The following SCARA5 variants were observed in gnomAD, a reference collection of about 807,000 sequenced individuals.
SCARA5 encodes scavenger receptor class A, member 5 (putative).
SCARA5 carries 45 observed loss-of-function variants against 46.3 expected under a neutral mutation model. The observed-to-expected ratio is 0.97, with a 90% CI of 0.76 to 1.24. The LOEUF (loss-of-function observed/expected upper bound fraction) is 1.24. SCARA5 is among the 50% of genes most tolerant of loss of function. SCARA5 has a pLI of 0.00. For missense variants in SCARA5, 680 were observed against 689.0 expected (o/e 0.99, Z 0.15); for synonymous variants, 333 against 306.5 (o/e 1.09, Z -0.90).
intron 7 of SCARA5, among the ~76,000 whole-genome samples, chr8:27,887,447 A>C (rs1258248919): frequency 6.6e-6 from 1 of 152,184 alleles, no homozygotes; most frequent in Non-Finnish European, 1.5e-5. Flanking sequence ...TACTGGCTAC[A>C]AGGCTGGTCC....
intron 3 of SCARA5, among the ~76,000 whole-genome samples, chr8:27,940,447 G>A (rs1807924936): frequency 6.6e-6 from 1 of 152,128 alleles, no homozygotes; most frequent in Non-Finnish European, 1.5e-5. Flanking sequence ...ATTTTCATGT[G>A]AGGAAACAAA....
intron 4 of SCARA5, among the ~76,000 whole-genome samples, chr8:27,914,320 G>T (rs773100356): frequency 6.6e-6 from 1 of 152,172 alleles, no homozygotes; most frequent in Admixed American, 6.5e-5. Flanking sequence ...GAGAACAGAC[G>T]AATACACCCA....
chr8:27,917,328 G>A (rs772730442), intron 4 of SCARA5, among the ~76,000 whole-genome samples: 1 of 152,198 alleles, frequency 6.6e-6, no homozygotes, highest in Non-Finnish European at 1.5e-5. Flanking sequence ...TGGCAAATGA[G>A]TGACCCAGGG....
intron 2 of SCARA5, among the ~76,000 whole-genome samples, chr8:27,969,862 A>T (rs775893566): frequency 1.2e-4 from 18 of 152,168 alleles, no homozygotes; most frequent in Non-Finnish European, 2.4e-4. Flanking sequence ...AGAGCTTTTG[A>T]CTTAAGGATT....
intron 8 of SCARA5, among the ~76,000 whole-genome samples, chr8:27,877,606 T>A (rs1806745731): frequency 7.7e-6 from 1 of 129,358 alleles, no homozygotes; most frequent in African/African-American, 4.1e-5. Flanking sequence ...GAAGAAGCCT[T>A]CTTCGGAGCT....
chr8:27,968,516 ATTTCT>A (rs1808402426), intron 2 of SCARA5, among the ~76,000 whole-genome samples: 1 of 152,166 alleles, frequency 6.6e-6, no homozygotes, highest in African/African-American at 2.4e-5. Flanking sequence ...TCCTGGTAGC[ATTTCT>A]TTTATTTTTT....
Position 27,922,055 on chromosome 8 carries a change from G to A in SCARA5, c.432C>T (p.Gly144=), listed in dbSNP as rs1205626916. The change falls in exon 4 of 9, where the codon GGC becomes GGT. Residue 144 remains glycine (G), a synonymous_variant. Coordinates refer to ENST00000354914, the MANE Select transcript of SCARA5 (RefSeq NM_173833.6). ...GCGCGCCCTCCAGCCGCTGCACTGC[G>A]CCCGCCAGCGCCAGCAACGAGTCTG... The part of the protein sequence containing the change: ...NQSDSLLALA[G]AVQRLEGALW... 6 of 1,576,336 alleles carry A rather than the reference G, an allele frequency of 3.8e-6. No homozygotes were observed. The highest frequency in any genetic ancestry group is 1.7e-4 in the Middle Eastern group (1 of 6,040).
At chr8:27,959,641 T>C (rs1426064506) in intron 3 of SCARA5, among the ~76,000 whole-genome samples, 1 of 152,204 alleles carries the variant, frequency 6.6e-6, no homozygotes, top group Non-Finnish European at 1.5e-5. Context: ...AACTCACTGA[T>C]GAGCAATCGT....
chr8:27,950,057 GA>G (rs1284325560), intron 3 of SCARA5, among the ~76,000 whole-genome samples: 1 of 152,172 alleles, frequency 6.6e-6, no homozygotes, highest in Non-Finnish European at 1.5e-5. Context: ...CTTGTGGTGA[GA>G]AAGGGGCTGA....
rs1176840360 is a variant in SCARA5, at chr8:27,921,846, C to T, written c.641G>A (p.Gly214Asp). The T allele has an allele frequency of 5.2e-6, 8 of 1,535,654 alleles. No homozygotes were observed. The highest frequency in any genetic ancestry group is 7.0e-6 in the Non-Finnish European group (8 of 1,147,648). ...GTCGGCCAGCTCCTCGCCCAGGATG[C>T]CCACCCTGCGCGCCAGCCCGTCCAG... ...GLLDGLARRV[G>D]ILGEELADVG... The change falls in exon 4 of 9, where the codon GGC becomes GAC. Residue 214 changes from glycine (G) to aspartate (D), a missense_variant. Around this residue, in one of 3 missense-constraint regions of SCARA5, gnomAD observed 438 missense variants for 384.5 expected, o/e 1.14. Transcript: ENST00000354914.
chr8:27,925,782 G>C (rs1203245036), intron 3 of SCARA5, among the ~76,000 whole-genome samples: 4 of 152,152 alleles, frequency 2.6e-5, no homozygotes, highest in Admixed American at 2.0e-4. Flanking sequence ...TCAAAAAGTG[G>C]GCAAAGGATA....
chr8:27,926,440 C>A (rs1004707986), intron 3 of SCARA5, among the ~76,000 whole-genome samples: 2 of 151,446 alleles, frequency 1.3e-5, no homozygotes, highest in Admixed American at 6.6e-5. Flanking sequence ...CACACCGGGG[C>A]CTGTCAGGGG....
chr8:27,885,284 G>GA (rs1282271024), intron 7 of SCARA5, among the ~76,000 whole-genome samples: 2 of 152,184 alleles, frequency 1.3e-5, no homozygotes, highest in Admixed American at 6.5e-5. Context: ...CCCCACCTCA[G>GA]AAAACTCCTT....
At chr8:27,956,553 C>A (rs975210681) in intron 3 of SCARA5, among the ~76,000 whole-genome samples, 3 of 152,144 alleles carry the variant, frequency 2.0e-5, no homozygotes, top group African/African-American at 7.2e-5. Context: ...ATTGTTATCC[C>A]CATTTTATTG....
At chr8:27,942,948 T>C (rs1403112834) in intron 3 of SCARA5, among the ~76,000 whole-genome samples, 3 of 152,204 alleles carry the variant, frequency 2.0e-5, no homozygotes, top group Non-Finnish European at 4.4e-5. Flanking sequence ...TCACCATAGT[T>C]CTGCAAACAC....
In SCARA5 at chr8:27,912,011, TG is replaced by T. The variant is rs764409062; in HGVS notation, c.917-2269del. Among the ~76,000 whole-genome samples the T allele has an allele frequency of 2.4e-3, 370 of 152,220 alleles. 4 individuals carry two copies. Among genetic ancestry groups the T allele is most frequent in the Non-Finnish European group, 4.3e-3 (290 of 68,026 alleles). On this transcript the variant is annotated intron_variant, in intron 4 of 8. Transcript: ENST00000354914. Reference sequence around the variant, plus strand: ...AGAATTGCCAGCAAGCACCAGCAGCTGGGAAGGGCCAAGGAAGGGTCCTCCC... The same window carrying T: ...AGAATTGCCAGCAAGCACCAGCAGCTGGAAGGGCCAAGGAAGGGTCCTCCC...
chr8:27,904,880 A>G (rs1418924754), intron 6 of SCARA5, 46 bp from the exon 7 acceptor site: 2 of 1,466,102 alleles, frequency 1.4e-6, no homozygotes, highest in East Asian at 4.9e-5. Context: ...AAGAAATCCT[A>G]ATTGTGAATA....
At chr8:27,945,541 G>T (rs149794629) in intron 3 of SCARA5, among the ~76,000 whole-genome samples, 82 of 152,242 alleles carry the variant, frequency 5.4e-4, no homozygotes, top group Non-Finnish European at 1.1e-3. Flanking sequence ...TGTCATCCGG[G>T]ATTTAACTAC....
intron 2 of SCARA5, among the ~76,000 whole-genome samples, chr8:27,973,336 G>T (rs1165139535): frequency 1.3e-5 from 2 of 152,020 alleles, no homozygotes; most frequent in African/African-American, 4.8e-5. Flanking sequence ...AATTAGCCAG[G>T]CTTGGTGGTG....
Sources: gnomAD v4.1 joint callset for allele counts (sites outside exome capture counted in the v4.1 genomes callset) on GRCh38, gnomAD v4.1.1 for gene constraint, gnomAD v4.1.1 regional missense constraint, MANE v1.5 for transcripts, NCBI Gene and HGNC (gene_info 2026-07-23, HGNC 2026-07-21) for gene names.